Variants in BCOR observed in about 807,000 individuals in gnomAD.
BCOR encodes BCL-6 corepressor.
A neutral mutation model predicts 86.7 loss-of-function variants in BCOR; 10 were observed. That is an observed-to-expected ratio of 0.12 (90% confidence interval 0.07 to 0.20). The LOEUF is 0.20. Ranked by LOEUF, BCOR falls within the 10% of genes least tolerant of loss-of-function variation. The probability of loss-of-function intolerance (pLI) is 1.00; values close to 1 mark genes in which losing one functional copy is unlikely to be tolerated. For missense variants in BCOR, 1,259 were observed against 1,452.1 expected (o/e 0.87, Z 2.16); for synonymous variants, 611 against 609.0 (o/e 1.00, Z -0.05).
At chrX:40,133,970 G>A (rs1937634048) in intron 1 of BCOR, among the ~76,000 whole-genome samples, 1 of 110,690 alleles carries the variant, frequency 9.0e-6, no homozygotes, top group Admixed American at 9.8e-5. Flanking sequence ...CAAATGATAA[G>A]TTTTGTGGCT....
intron 1 of BCOR, among the ~76,000 whole-genome samples, chrX:40,167,731 C>A (rs1175588582): frequency 9.0e-6 from 1 of 111,509 alleles, no homozygotes; most frequent in East Asian, 2.8e-4. Flanking sequence ...ATTGTCTCTG[C>A]GGCGACACAC....
rs891394230 is a variant in BCOR, at chrX:40,076,305, G to C, written c.165+149C>G. On this transcript the variant is annotated intron_variant, in intron 3 of 14. Coordinates refer to ENST00000378444, the MANE Select transcript of BCOR (RefSeq NM_001123385.2). ...CTGGAAGAGCTTGGGTGGGGGCCTTGTCCTCTCGCAGAGGCCTCCAACTCA... is the reference window on the plus strand; with the variant it reads ...CTGGAAGAGCTTGGGTGGGGGCCTTCTCCTCTCGCAGAGGCCTCCAACTCA... 38 of 457,908 alleles carry C rather than the reference G, an allele frequency of 8.3e-5. No homozygotes were observed. The South Asian group carries it at 1.0e-3, about 12-fold the overall frequency. The allele number at this position is 457,908 out of a possible 1,213,427, so 37.7% of individuals were successfully genotyped here.
In BCOR at chrX:40,064,306, C is replaced by T. The variant is rs377299819; in HGVS notation, c.3502+30G>A. 414 of 1,210,683 alleles carry T rather than the reference C, an allele frequency of 3.4e-4. 1 individual carries two copies. Among genetic ancestry groups the T allele is most frequent in the Middle Eastern group, 4.7e-4 (2 of 4,271 alleles). On this transcript the variant is annotated intron_variant, in intron 7 of 14. Coordinates refer to ENST00000378444, the MANE Select transcript of BCOR (RefSeq NM_001123385.2). ...TGGCCGCATGCAAAGGCCCACCCCC[C>T]GGCAGGCGGGCGAAGCAGACAGGGC...
At position 40,073,960 on chromosome X, in the gene BCOR, A is replaced by C. The variant is rs1345634825; in HGVS notation, c.1386T>G (p.Ala462=). The C allele has an allele frequency of 4.1e-6, 5 of 1,210,793 alleles. No homozygotes were observed. The highest frequency in any genetic ancestry group is 5.6e-6 in the Non-Finnish European group (5 of 895,391). Residue 462 remains alanine, a synonymous_variant, in exon 4 of 15, where the codon GCT becomes GCG. Coordinates refer to ENST00000378444, the MANE Select transcript of BCOR (RefSeq NM_001123385.2). ...CCCTGCTGTGAACCAGGACCGTGGG[A>C]GCCATCTTTTTCATGTGGTCAGCTT... The part of the protein sequence containing the change: ...ASKADHMKKM[A]PTVLVHSRAG...
upstream of BCOR, among the ~76,000 whole-genome samples, chrX:40,098,777 C>A (rs941190115): frequency 8.9e-6 from 1 of 111,825 alleles, no homozygotes; most frequent in Non-Finnish European, 1.9e-5. Flanking sequence ...GAAAACACCA[C>A]CCCAGGCAAC....
intron 1 of BCOR, among the ~76,000 whole-genome samples, chrX:40,156,966 C>A (rs1246982587): frequency 3.5e-5 from 4 of 113,610 alleles, no homozygotes; most frequent in African/African-American, 1.3e-4. Context: ...GAGGTGGGTG[C>A]AGCTGAGGCT....
At chrX:40,096,875 C>A (rs1936906897) in intron 1 of BCOR, among the ~76,000 whole-genome samples, 1 of 106,890 alleles carries the variant, frequency 9.4e-6, no homozygotes, top group African/African-American at 3.4e-5. Flanking sequence ...CGCTCAGCGG[C>A]GACCGCGCTC....
intron 9 of BCOR, 75 bp from the exon 10 acceptor site, chrX:40,062,468 C>A: frequency 8.8e-7 from 1 of 1,139,629 alleles, no homozygotes; most frequent in Non-Finnish European, 1.2e-6. Context: ...TCCTCCTCCC[C>A]ACGTGACAAA....
At chrX:40,104,729 C>G (rs1937137769) in intron 1 of BCOR, among the ~76,000 whole-genome samples, 1 of 113,030 alleles carries the variant, frequency 8.8e-6, no homozygotes, top group Non-Finnish European at 1.9e-5. Context: ...GACGGATTGT[C>G]CCTGGGGAGC....
chrX:40,110,474 G>GA (rs1269307448), intron 1 of BCOR, among the ~76,000 whole-genome samples: 4 of 107,917 alleles, frequency 3.7e-5, no homozygotes, highest in Non-Finnish European at 5.8e-5. Flanking sequence ...CCCTATGGGG[G>GA]AAAAAAATCT....
chrX:40,071,189 A>T (rs1206618543), intron 5 of BCOR, 30 bp from the exon 6 acceptor site: 1 of 1,150,753 alleles, frequency 8.7e-7, no homozygotes, highest in Non-Finnish European at 1.2e-6. Flanking sequence ...GGAAAAAAAA[A>T]AAAACAACAC....
chrX:40,093,411 G>C (rs1936705852), intron 1 of BCOR, among the ~76,000 whole-genome samples: 1 of 111,892 alleles, frequency 8.9e-6, no homozygotes, highest in Non-Finnish European at 1.9e-5. Flanking sequence ...GGAAGAGGAG[G>C]GAGGAGGAGA....
chrX:40,069,578 C>A lies in BCOR; in HGVS notation c.3238+1395G>T, dbSNP rs192615910. On this transcript the variant is annotated intron_variant, in intron 6 of 14. Transcript: ENST00000378444. Reference sequence around the variant, plus strand: ...CTTCCTCCAGGCCCCCAGCCATCTACTCAGAACAAAGAGGGATTCTTATGT... The same window carrying A: ...CTTCCTCCAGGCCCCCAGCCATCTAATCAGAACAAAGAGGGATTCTTATGT... 6.2e-5 allele frequency among the ~76,000 whole-genome samples: 7 copies of A among 112,574 alleles called. No homozygotes were observed. In the East Asian group the frequency reaches 2.0e-3, roughly 32 times the overall value.
At chrX:40,166,590 G>A (rs1243926646) in intron 1 of BCOR, among the ~76,000 whole-genome samples, 2 of 112,170 alleles carry the variant, frequency 1.8e-5, no homozygotes, top group Non-Finnish European at 3.8e-5. Context: ...CCCCAGGGGA[G>A]AGGCTAGACC....
chrX:40,053,381 G>A (rs749706623), intron 14 of BCOR, among the ~76,000 whole-genome samples: 47 of 112,053 alleles, frequency 4.2e-4, no homozygotes, highest in Non-Finnish European at 7.5e-4. Context: ...GGTCACTGGC[G>A]AATAGGGGCT....
chrX:40,090,509 C>G (rs926911731), intron 1 of BCOR, among the ~76,000 whole-genome samples: 1 of 112,718 alleles, frequency 8.9e-6, no homozygotes, highest in African/African-American at 3.2e-5. Context: ...GCGATTCCCC[C>G]CAAGTCCCGG....
intron 1 of BCOR, among the ~76,000 whole-genome samples, chrX:40,130,288 T>C (rs1280559305): frequency 9.0e-6 from 1 of 111,700 alleles, no homozygotes; most frequent in African/African-American, 3.3e-5. Flanking sequence ...AACTGAGGCA[T>C]GGAGACTGAG....
intron 1 of BCOR, among the ~76,000 whole-genome samples, chrX:40,087,062 G>C (rs757663533): frequency 8.8e-6 from 1 of 113,586 alleles, no homozygotes; most frequent in East Asian, 2.8e-4. Context: ...CGAGAATAAA[G>C]GTTGTGGAGA....
chrX:40,161,804 C>T (rs1436224679), intron 1 of BCOR, among the ~76,000 whole-genome samples: 3 of 112,163 alleles, frequency 2.7e-5, no homozygotes, highest in Non-Finnish European at 5.6e-5. Context: ...TGAGCCACCG[C>T]GCCTAGCCCT....
Sources: allele counts gnomAD v4.1 joint callset (sites outside exome capture counted in the v4.1 genomes callset), GRCh38; gene constraint gnomAD v4.1.1; transcripts MANE v1.5; gene names NCBI Gene and HGNC (gene_info 2026-07-23, HGNC 2026-07-21).